Variants in XKR7 observed in about 807,000 individuals in gnomAD.
The protein encoded by XKR7 is XK-related protein 7.
XKR7 carries 11 observed loss-of-function variants against 42.2 expected under a neutral mutation model. The observed-to-expected ratio is 0.26, with a 90% CI of 0.16 to 0.43. The LOEUF (loss-of-function observed/expected upper bound fraction) is 0.43. Ranked by LOEUF, XKR7 falls within the 20% of genes least tolerant of loss-of-function variation. The pLI, the probability that XKR7 is intolerant of heterozygous loss-of-function variation, is 1.00. For missense variants in XKR7, 710 were observed against 802.2 expected (o/e 0.89, Z 1.39); for synonymous variants, 346 against 366.4 (o/e 0.94, Z 0.64).
chr20:31,984,514 C>T (rs968925402), intron 1 of XKR7, among the ~76,000 whole-genome samples: 1 of 152,052 alleles, frequency 6.6e-6, no homozygotes, highest in African/African-American at 2.4e-5. Context: ...GATGAACATC[C>T]CTTGGTGTAG....
intron 1 of XKR7, chr20:31,970,421 T>TG (rs921413243): frequency 3.9e-5 from 6 of 152,202 alleles, no homozygotes; most frequent in African/African-American, 1.2e-4. Context: ...GCCATGGGTG[T>TG]GGGGTCCCAG....
chr20:31,994,906 G>A (rs1386994665), intron 1 of XKR7, among the ~76,000 whole-genome samples, 162 bp from the exon 2 acceptor site: 1 of 152,228 alleles, frequency 6.6e-6, no homozygotes, highest in African/African-American at 2.4e-5. Context: ...CTCAACAGCA[G>A]CCTCATAAGG....
intron 1 of XKR7, among the ~76,000 whole-genome samples, chr20:31,992,256 C>T (rs1461014701): frequency 1.3e-5 from 2 of 152,224 alleles, no homozygotes; most frequent in Non-Finnish European, 2.9e-5. Flanking sequence ...TACATATGGG[C>T]ACACAGCCTG....
chr20:31,975,719 G>C lies in XKR7; in HGVS notation c.584+6960G>C, dbSNP rs575921697. Among the ~76,000 whole-genome samples, 147 of 152,132 alleles carry C rather than the reference G, an allele frequency of 9.7e-4. 2 individuals carry two copies. The South Asian group carries it at 0.03, about 31-fold the overall frequency. On this transcript the variant is annotated intron_variant, in intron 1 of 2. Coordinates refer to ENST00000562532, the MANE Select transcript of XKR7 (RefSeq NM_001011718.2). ...CTGCTCATTATCTCTTGGGGCGGGAGGGGTGGGGTCAGGGGAGATTTCCAC... is the reference window on the plus strand; with the variant it reads ...CTGCTCATTATCTCTTGGGGCGGGACGGGTGGGGTCAGGGGAGATTTCCAC...
At chr20:31,993,718 G>A (rs539904644) in intron 1 of XKR7, among the ~76,000 whole-genome samples, 3 of 152,294 alleles carry the variant, frequency 2.0e-5, no homozygotes, top group African/African-American at 7.2e-5. Context: ...TCACAGCATG[G>A]GGGAGATGTG....
In XKR7 at chr20:31,968,965, C is replaced by T. The variant is rs1205703930; in HGVS notation, c.584+206C>T. ...AGCCCTGACCAACCCCAGTGCCATCCGGTCTGACCTGGCCTTCGAGAGGGG... is the reference window on the plus strand; with the variant it reads ...AGCCCTGACCAACCCCAGTGCCATCTGGTCTGACCTGGCCTTCGAGAGGGG... On this transcript the variant is annotated intron_variant, in intron 1 of 2. Transcript: ENST00000562532. The surrounding 1 kb of genome is among the most constrained non-coding windows in gnomAD (Gnocchi z 4.5). 1.8e-4 allele frequency among the ~76,000 whole-genome samples: 28 copies of T among 152,114 alleles called. No homozygotes were observed. The highest frequency in any genetic ancestry group is 8.8e-5 in the Non-Finnish European group (6 of 68,016).
intron 1 of XKR7, among the ~76,000 whole-genome samples, chr20:31,992,512 G>A (rs1025506876): frequency 3.3e-5 from 5 of 152,230 alleles, no homozygotes; most frequent in Admixed American, 6.5e-5. Flanking sequence ...CAGCGTGTGA[G>A]CAGTGGGTAT....
chr20:31,993,436 A>C (rs563631592), intron 1 of XKR7, among the ~76,000 whole-genome samples: 108 of 152,276 alleles, frequency 7.1e-4, no homozygotes, highest in Non-Finnish European at 1.1e-3. Context: ...GGAGGGATTA[A>C]CTAGGGCTCA....
intron 1 of XKR7, among the ~76,000 whole-genome samples, chr20:31,984,864 C>T (rs879140255): frequency 6.6e-6 from 1 of 152,190 alleles, no homozygotes; most frequent in Admixed American, 6.5e-5. Flanking sequence ...AGAGCCAGGG[C>T]TGAGTCCTAG....
Position 31,997,012 on chromosome 20 carries a change from T to C in XKR7, c.1295T>C (p.Met432Thr), listed in dbSNP as rs1437534248. The stretch of plus-strand genomic sequence containing the variant: ...AGCTTTGCGCTGGGCATATTCTTCA[T>C]GTGTGTCTACTACTGTCTCCTGCAC... The part of the protein sequence containing the change: ...ASSFALGIFF[M>T]CVYYCLLHPN... Residue 432 changes from methionine (M) to threonine (T), a missense_variant, in exon 3 of 3, where the codon ATG (methionine) becomes ACG (threonine). Coordinates refer to ENST00000562532, the MANE Select transcript of XKR7 (RefSeq NM_001011718.2). 2.5e-6 allele frequency: 4 copies of C among 1,613,990 alleles called. No individual in the cohort carries two copies. Among genetic ancestry groups the C allele is most frequent in the African/African-American group, 1.3e-5 (1 of 74,954 alleles).
At chr20:31,971,471 T>G (rs1228611848) in intron 1 of XKR7, among the ~76,000 whole-genome samples, 1 of 152,164 alleles carries the variant, frequency 6.6e-6, no homozygotes, top group African/African-American at 2.4e-5. Flanking sequence ...CCTGGATAAA[T>G]GGAGGGAAAA....
intron 1 of XKR7, among the ~76,000 whole-genome samples, chr20:31,975,281 C>T (rs2064480185): frequency 6.6e-6 from 1 of 152,020 alleles, no homozygotes; most frequent in Non-Finnish European, 1.5e-5. Context: ...TCCCCTATGT[C>T]CCTAGAGCAA....
chr20:31,983,662 G>T (rs1019900712), intron 1 of XKR7, among the ~76,000 whole-genome samples: 1 of 152,134 alleles, frequency 6.6e-6, no homozygotes, highest in Non-Finnish European at 1.5e-5. Context: ...TAAAAGTAGT[G>T]GGGGCCGGGC....
At chr20:31,979,332 G>A (rs1202601566) in intron 1 of XKR7, among the ~76,000 whole-genome samples, 1 of 151,648 alleles carries the variant, frequency 6.6e-6, no homozygotes, top group Non-Finnish European at 1.5e-5. Flanking sequence ...CTCCCACCTT[G>A]GCCTCCCAAA....
At chr20:31,983,947 CAATAAATAAATAAATA>C (rs59966453) in intron 1 of XKR7, among the ~76,000 whole-genome samples, 135 of 145,426 alleles carry the variant, frequency 9.3e-4, no homozygotes, top group African/African-American at 3.4e-3. Flanking sequence ...GACTCTGTCT[CAATAAATAAATAAATA>C]AATAAATAAA....
At chr20:31,970,512 T>A (rs1329938540) in intron 1 of XKR7, 1 of 152,196 alleles carries the variant, frequency 6.6e-6, no homozygotes, top group Non-Finnish European at 1.5e-5. Context: ...ATTTCTACTA[T>A]CTCCCATTTG....
intron 1 of XKR7, among the ~76,000 whole-genome samples, chr20:31,980,418 A>T (rs1227620267): frequency 1.3e-5 from 2 of 152,144 alleles, no homozygotes; most frequent in Admixed American, 1.3e-4. Context: ...GCAGGTGAGG[A>T]GGCTATATAG....
At chr20:31,974,384 T>G (rs1266402943) in intron 1 of XKR7, among the ~76,000 whole-genome samples, 27 of 152,048 alleles carry the variant, frequency 1.8e-4, no homozygotes, top group Admixed American at 1.7e-3. Context: ...CCTCAGTCTC[T>G]CCACTGGGGC....
intron 1 of XKR7, 131 bp from the exon 2 acceptor site, chr20:31,994,937 T>C: frequency 1.4e-6 from 2 of 1,453,554 alleles, no homozygotes; most frequent in Middle Eastern, 2.4e-4. Flanking sequence ...GAAATGCCCA[T>C]TTCACAGCTG....
Sources: allele counts gnomAD v4.1 joint callset (sites outside exome capture counted in the v4.1 genomes callset), GRCh38; gene constraint gnomAD v4.1.1; non-coding constraint Gnocchi (gnomAD v3.1); transcripts MANE v1.5; gene names NCBI Gene and HGNC (gene_info 2026-07-23, HGNC 2026-07-21).